The following AGBL1 variants were observed in gnomAD, a reference collection of about 807,000 sequenced individuals.
AGBL1 encodes cytosolic carboxypeptidase 4.
In AGBL1, 130 loss-of-function variants were observed where a neutral mutation model predicts 118.9. That is an observed-to-expected ratio of 1.09 (90% CI 0.95 to 1.26). AGBL1 has a LOEUF of 1.26. Ranked by LOEUF, AGBL1 falls within the 50% of genes most tolerant of loss-of-function variation. AGBL1 has a pLI of 0.00. For missense variants in AGBL1, 1,584 were observed against 1,298.1 expected (o/e 1.22, Z -3.38); for synonymous variants, 555 against 478.9 (o/e 1.16, Z -2.08).
chr15:86,181,336 AAG>A (rs1456219664), intron 5 of AGBL1, among the ~76,000 whole-genome samples: 18 of 152,144 alleles, frequency 1.2e-4, no homozygotes, highest in Non-Finnish European at 1.2e-4. Context: ...CAACAATACA[AAG>A]AGAAAATTAT....
At chr15:86,554,849 GT>G (rs1280195930) in intron 21 of AGBL1, among the ~76,000 whole-genome samples, 1 of 152,144 alleles carries the variant, frequency 6.6e-6, no homozygotes, top group African/African-American at 2.4e-5. Context: ...TGGCTCTGTT[GT>G]TATATGCATA....
chr15:86,735,209 G>C (rs762357239), intron 22 of AGBL1, among the ~76,000 whole-genome samples: 1 of 151,998 alleles, frequency 6.6e-6, no homozygotes, highest in Non-Finnish European at 1.5e-5. Flanking sequence ...AACTTCCCAA[G>C]CATCTGGGAT....
intron 24 of AGBL1, among the ~76,000 whole-genome samples, chr15:87,001,226 C>T (rs1315163553): frequency 6.6e-6 from 1 of 150,956 alleles, no homozygotes; most frequent in Non-Finnish European, 1.5e-5. Context: ...TTATTTCCTT[C>T]TCCTGCCTCA....
chr15:86,222,182 G>A (rs1222971422), intron 5 of AGBL1, among the ~76,000 whole-genome samples: 1 of 152,100 alleles, frequency 6.6e-6, no homozygotes, highest in Admixed American at 6.5e-5. Context: ...GATGATCATT[G>A]CTGCTGTAGT....
intron 22 of AGBL1, among the ~76,000 whole-genome samples, chr15:86,768,824 T>C (rs1220842991): frequency 6.6e-6 from 1 of 152,004 alleles, no homozygotes; most frequent in Non-Finnish European, 1.5e-5. Context: ...TTAATTGCTG[T>C]GCCTTAAGGG....
Position 86,827,352 on chromosome 15 carries a change from T to TATACACATATATATATAC in AGBL1, c.3159-79732_3159-79731insCACATATATATATACATA, listed in dbSNP as rs2079029897. On this transcript the variant is annotated intron_variant, in intron 22 of 22. Coordinates refer to ENST00000614907, the MANE Select transcript of AGBL1 (RefSeq NM_001386094.1). ...ATATATATATATGTGTATATATATATATATATATATGTGTGTGTATATATA... is the reference window on the plus strand; with the variant it reads ...ATATATATATATGTGTATATATATATATACACATATATATATACATATATATATGTGTGTGTATATATA... Among the ~76,000 whole-genome samples, 2 of 9,706 alleles carry TATACACATATATATATAC rather than the reference T, an allele frequency of 2.1e-4. 1 individual carries two copies. Among genetic ancestry groups the TATACACATATATATATAC allele is most frequent in the Non-Finnish European group, 2.8e-4 (2 of 7,030 alleles). The allele number at this position is 9,706 out of a possible 152,430, so 6.4% of individuals were successfully genotyped here.
chr15:86,240,803 T>G (rs12903671), intron 6 of AGBL1, among the ~76,000 whole-genome samples: 97,795 of 151,994 alleles, frequency 0.64, 32,001 homozygotes, highest in African/African-American at 0.74. Flanking sequence ...GTCACGGTAC[T>G]CTGTATAGCT....
At chr15:86,928,959 T>C (rs1443476059) in intron 23 of AGBL1, among the ~76,000 whole-genome samples, 4 of 152,236 alleles carry the variant, frequency 2.6e-5, no homozygotes, top group East Asian at 1.9e-4. Flanking sequence ...GTCATACACA[T>C]TGTTTTGCAA....
At chr15:86,295,183 C>T (rs970052801) in intron 16 of AGBL1, 72 bp from the exon 17 acceptor site, 24 of 1,504,672 alleles carry the variant, frequency 1.6e-5, no homozygotes, top group East Asian at 4.8e-5. Context: ...ATATGTAAGC[C>T]GTTGTTGTTT....
chr15:86,616,252 G>A (rs969916716), intron 21 of AGBL1, among the ~76,000 whole-genome samples: 7 of 151,088 alleles, frequency 4.6e-5, no homozygotes, highest in Non-Finnish European at 7.4e-5. Context: ...CAGGAGAATC[G>A]CTTGAACCCG....
intron 22 of AGBL1, among the ~76,000 whole-genome samples, chr15:86,729,388 A>G (rs1002092434): frequency 6.6e-6 from 1 of 152,172 alleles, no homozygotes; most frequent in Non-Finnish European, 1.5e-5. Flanking sequence ...TCACTCAGGT[A>G]GTGAGCATAG....
At chr15:86,713,199 A>C (rs1340243857) in intron 22 of AGBL1, among the ~76,000 whole-genome samples, 2 of 152,134 alleles carry the variant, frequency 1.3e-5, no homozygotes, top group Non-Finnish European at 2.9e-5. Context: ...GTATAGCTAC[A>C]TCATTAATTA....
intron 23 of AGBL1, among the ~76,000 whole-genome samples, chr15:86,981,569 C>G (rs1178703775): frequency 6.6e-6 from 1 of 152,204 alleles, no homozygotes. Context: ...GTGCTCTTTA[C>G]ATAGTTCTAG....
chr15:86,193,919 A>G (rs75523907), intron 5 of AGBL1, among the ~76,000 whole-genome samples: 4,101 of 152,308 alleles, frequency 0.027, 75 homozygotes, highest in East Asian at 0.073. Context: ...TCAGGCCAAG[A>G]GAGAGGCATA....
intron 5 of AGBL1, among the ~76,000 whole-genome samples, chr15:86,205,093 C>A (rs1024762378): frequency 6.6e-6 from 1 of 152,152 alleles, no homozygotes; most frequent in African/African-American, 2.4e-5. Context: ...AGGGCAGAAC[C>A]TTTTATTATG....
At chr15:86,541,542 A>G (rs1214967111) in intron 19 of AGBL1, among the ~76,000 whole-genome samples, 1 of 145,584 alleles carries the variant, frequency 6.9e-6, no homozygotes, top group Admixed American at 7.2e-5. Context: ...GCAGTGAGCC[A>G]TGATTGCACC....
chr15:86,162,411 A>G (rs949029638), intron 5 of AGBL1, among the ~76,000 whole-genome samples: 1 of 152,150 alleles, frequency 6.6e-6, no homozygotes, highest in Non-Finnish European at 1.5e-5. Context: ...CCTCCAATGA[A>G]GCTCTGTCTC....
chr15:86,567,120 A>G (rs553591029), intron 21 of AGBL1, among the ~76,000 whole-genome samples: 1 of 152,312 alleles, frequency 6.6e-6, no homozygotes, highest in South Asian at 2.1e-4. Context: ...TCTATTTTAG[A>G]TAAAGACACT....
chr15:86,480,706 A>G (rs2082639651), intron 18 of AGBL1, among the ~76,000 whole-genome samples: 1 of 152,008 alleles, frequency 6.6e-6, no homozygotes, highest in Non-Finnish European at 1.5e-5. Context: ...TACAGACTCA[A>G]GCAGAAAGGA....
Sources: allele counts gnomAD v4.1 joint callset (sites outside exome capture counted in the v4.1 genomes callset), GRCh38; gene constraint gnomAD v4.1.1; transcripts MANE v1.5; gene names NCBI Gene and HGNC (gene_info 2026-07-23, HGNC 2026-07-21).